Variants in MYO1C observed in about 807,000 individuals in gnomAD.
MYO1C encodes myosin IC.
Under a neutral mutation model 150.8 loss-of-function variants are expected in MYO1C, and 104 were observed. That is an observed-to-expected ratio of 0.69 (90% CI 0.59 to 0.81). The LOEUF (loss-of-function observed/expected upper bound fraction) is 0.81, where lower values mean the gene tolerates loss of function less well. Among genes scored for constraint, MYO1C ranks in the 30% least tolerant of loss-of-function variants. The pLI, the probability that MYO1C is intolerant of heterozygous loss-of-function variation, is 0.00. For synonymous variants in MYO1C, 663 were observed against 579.9 expected (o/e 1.14, Z -2.06); for missense variants, 1,504 against 1,435.0 (o/e 1.05, Z -0.78).
chr17:1,478,386 A>G lies in MYO1C; in HGVS notation c.1295+24T>C. ...GAGCAGGACAGGAGACCGGGAGGAG[A>G]GACGGGGGAAAGATGGCACCGACCT... is the stretch of plus-strand genomic sequence containing the variant. On this transcript the variant is annotated intron_variant, in intron 11 of 31. Transcript: ENST00000648651. This position sits in a 1 kb window ranked among gnomAD's most constrained non-coding sequence, Gnocchi z 6.3. 1.2e-6 allele frequency: 2 copies of G among 1,613,676 alleles called. No individual in the cohort carries two copies. Among genetic ancestry groups the G allele is most frequent in the Non-Finnish European group, 1.7e-6 (2 of 1,179,654 alleles).
At position 1,465,629 on chromosome 17, in the gene MYO1C, G is replaced by T; in HGVS notation, c.*97C>A. On this transcript the variant is annotated 3_prime_UTR_variant, in exon 32 of 32. Coordinates refer to ENST00000648651, the MANE Select transcript of MYO1C (RefSeq NM_001080779.2). ...TGCAGGTGGGCTTCGGGGTGTCCCT[G>T]GGTCCCTGTCTGGAAGTTCGAGTCT... 1 of 1,229,318 alleles carries T rather than the reference G, an allele frequency of 8.1e-7. No homozygotes were observed. Among genetic ancestry groups the T allele is most frequent in the South Asian group, 2.8e-5 (1 of 35,884 alleles). 76.2% of individuals were successfully genotyped at this position (1,229,318 alleles called of 1,614,324 possible). A position where few individuals can be genotyped will look rare whatever the true frequency, so the allele number is the denominator to read the frequency against.
intron 31 of MYO1C, among the ~76,000 whole-genome samples, chr17:1,466,445 C>T (rs2074172895): frequency 6.6e-6 from 1 of 152,282 alleles, no homozygotes; most frequent in South Asian, 2.1e-4. Context: ...ATTCTCCTGC[C>T]TCAGCCTCCC....
At chr17:1,492,233 A>G (rs745473482) in intron 1 of MYO1C, among the ~76,000 whole-genome samples, 180 bp downstream of exon 1, 21 of 152,196 alleles carry the variant, frequency 1.4e-4, no homozygotes, top group Non-Finnish European at 2.8e-4. Context: ...TCCTGCTGCT[A>G]GTGGCCCTTG....
Position 1,470,507 on chromosome 17 carries a change from T to C in MYO1C, c.2294A>G (p.Gln765Arg), listed in dbSNP as rs1231497836. Residue 765 changes from glutamine to arginine, a missense_variant, in exon 23 of 32, where the codon CAG becomes CGG. Coordinates refer to ENST00000648651, the MANE Select transcript of MYO1C (RefSeq NM_001080779.2). ...LRVKRSAICI[Q>R]SWWRGTLGRR... is the part of the protein sequence containing the mutation. ...GCCCAGTGTTCCACGCCACCACGAC[T>C]GGATGCAGATGGCTGTCGTGGAGAC... is the stretch of plus-strand genomic sequence containing the variant. The C allele has an allele frequency of 6.4e-7, 1 of 1,552,592 alleles. No individual in the cohort carries two copies. Among genetic ancestry groups the C allele is most frequent in the Non-Finnish European group, 8.7e-7 (1 of 1,147,798 alleles).
chr17:1,479,205 A>C lies in MYO1C; in HGVS notation c.1092+226T>G, dbSNP rs1044451015. Among the ~76,000 whole-genome samples the C allele has an allele frequency of 6.0e-4, 92 of 152,090 alleles. 1 individual carries two copies. Among genetic ancestry groups the C allele is most frequent in the African/African-American group, 2.1e-3 (86 of 41,488 alleles). The stretch of plus-strand genomic sequence containing the variant: ...ATGGGGTTTCACCATGTTGGCCAAG[A>C]TGGTCTCGAACTCCTGACCTCAGGT... On this transcript the variant is annotated intron_variant, in intron 9 of 31. Coordinates refer to ENST00000648651, the MANE Select transcript of MYO1C (RefSeq NM_001080779.2). The surrounding 1 kb of genome is among the most constrained non-coding windows in gnomAD (Gnocchi z 4.2).
chr17:1,469,520 G>T lies in MYO1C; in HGVS notation c.2610+11C>A. On this transcript the variant is annotated intron_variant, in intron 25 of 31. Coordinates refer to ENST00000648651, the MANE Select transcript of MYO1C (RefSeq NM_001080779.2). ...CACTTCCTCATCCTCACCCAGCCCC[G>T]CTCTCCGTACCTGCTGCTTCCACTC... The T allele has an allele frequency of 6.2e-7, 1 of 1,603,814 alleles. No individual in the cohort carries two copies. Among genetic ancestry groups the T allele is most frequent in the Non-Finnish European group, 8.5e-7 (1 of 1,173,862 alleles).
In MYO1C at chr17:1,483,794, A is replaced by G. The variant is rs2074590423; in HGVS notation, c.232-69T>C. The G allele has an allele frequency of 3.1e-6, 4 of 1,309,966 alleles. No homozygotes were observed. In the South Asian group the frequency reaches 3.8e-5, roughly 12 times the overall value. 81.1% of individuals were successfully genotyped at this position (1,309,966 alleles called of 1,614,324 possible). A position where few individuals can be genotyped will look rare whatever the true frequency, so the allele number is the denominator to read the frequency against. ...TGCGATGGCTCATGCCTGTAATCCC[A>G]GCACTTTGGGAGGCCAAGGTGGGCG... On this transcript the variant is annotated intron_variant, in intron 2 of 31. Transcript: ENST00000648651.
In MYO1C at chr17:1,468,513, G is replaced by A. The variant is rs1286522429; in HGVS notation, c.2611-17C>T. 32 of 1,604,492 alleles carry A rather than the reference G, an allele frequency of 2.0e-5. No individual in the cohort carries two copies. Among genetic ancestry groups the A allele is most frequent in the Non-Finnish European group, 2.6e-5 (30 of 1,171,842 alleles). ...CTGCTGCAGCTGAGGAGACAAGGGG[G>A]GTGAGGAGAGTGTCATGGTGGGGAG... On this transcript the variant is annotated splice_polypyrimidine_tract_variant and intron_variant, in intron 25 of 31. Coordinates refer to ENST00000648651, the MANE Select transcript of MYO1C (RefSeq NM_001080779.2).
intron 1 of MYO1C, chr17:1,491,757 C>G: frequency 1.6e-6 from 1 of 616,058 alleles, no homozygotes; most frequent in Non-Finnish European, 2.0e-6. Context: ...CGGCCCCGCC[C>G]CGCCCCGCCT....
chr17:1,474,587 G>A (rs370240797), intron 17 of MYO1C, 23 bp downstream of exon 17: 27 of 1,612,386 alleles, frequency 1.7e-5, no homozygotes, highest in Middle Eastern at 3.5e-4. Flanking sequence ...GCACCCCTGC[G>A]CCCGGTCCCG....
Position 1,474,807 on chromosome 17 carries a change from C to T in MYO1C, c.1716+5G>A. On this transcript the variant is annotated splice_donor_5th_base_variant and intron_variant, in intron 16 of 31. Transcript: ENST00000648651. ...CCCACCCCGGCCTCCCCACGTCCTC[C>T]TCACCTCCTTAAGGTTCCGGAAGAG... 2 of 1,614,050 alleles carry T rather than the reference C, an allele frequency of 1.2e-6. No homozygotes were observed. The highest frequency in any genetic ancestry group is 1.7e-6 in the Non-Finnish European group (2 of 1,179,944).
In MYO1C at chr17:1,478,047, C is replaced by A; in HGVS notation, c.1401+40G>T. 1 of 1,612,006 alleles carries A rather than the reference C, an allele frequency of 6.2e-7. No homozygotes were observed. Among genetic ancestry groups the A allele is most frequent in the South Asian group, 1.1e-5 (1 of 91,044 alleles). On this transcript the variant is annotated intron_variant, in intron 12 of 31. Transcript: ENST00000648651. The surrounding 1 kb of genome is among the most constrained non-coding windows in gnomAD (Gnocchi z 6.3). The stretch of plus-strand genomic sequence containing the variant: ...TCCCAGGGGCCCCGATACCCAGGCT[C>A]CCCGTGGCCCACGGAGAGTGCCCCC...
At chr17:1,469,445 T>C (rs558077951) in intron 25 of MYO1C, 86 bp downstream of exon 25, 4 of 1,259,650 alleles carry the variant, frequency 3.2e-6, no homozygotes, top group Admixed American at 2.0e-5. Flanking sequence ...CCGGGGTAAA[T>C]GCCCCTCCAG....
rs1345281109 is a variant in MYO1C at position 1,468,010 on chromosome 17, C to T, written c.2874G>A (p.Arg958=). The stretch of plus-strand genomic sequence containing the variant: ...GACCGGTCAGGTTGGCGTAATCAAT[C>T]CTCTGCTTGACTTTGGCGTCCTCCA... ...VIVEDAKVKQ[R]IDYANLTGIS... The change falls in exon 28 of 32, where the codon AGG becomes AGA. Residue 958 remains arginine (R), a synonymous_variant. Transcript: ENST00000648651. The T allele has an allele frequency of 6.2e-7, 1 of 1,612,846 alleles. No individual in the cohort carries two copies. The highest frequency in any genetic ancestry group is 8.5e-7 in the Non-Finnish European group (1 of 1,179,828).
intron 1 of MYO1C, 30 bp from the exon 2 acceptor site, chr17:1,484,333 A>G (rs1337324837): frequency 2.5e-6 from 4 of 1,605,142 alleles, no homozygotes; most frequent in Admixed American, 3.3e-5. Context: ...GAAGAGGGTC[A>G]GAGTCATCGG....
intron 3 of MYO1C, 50 bp downstream of exon 3, chr17:1,483,560 C>T: frequency 1.4e-6 from 2 of 1,399,888 alleles, no homozygotes; most frequent in Non-Finnish European, 2.0e-6. Context: ...GGCGGGGTCA[C>T]CTCAGATGGA....
intron 31 of MYO1C, 23 bp from the exon 32 acceptor site, chr17:1,465,775 C>T: frequency 7.6e-7 from 1 of 1,317,860 alleles, no homozygotes; most frequent in Non-Finnish European, 9.8e-7. Flanking sequence ...AGAGAGACGG[C>T]CAAGTGGTGA....
chr17:1,469,705 G>T, intron 24 of MYO1C, 91 bp from the exon 25 acceptor site: 2 of 1,042,788 alleles, frequency 1.9e-6, no homozygotes, highest in East Asian at 2.6e-5. Flanking sequence ...CTTTGGATAA[G>T]TAACACCCCC....
rs369597665 is a variant in MYO1C, at chr17:1,492,522, C to T, written c.-35G>A. On this transcript the variant is annotated 5_prime_UTR_variant, in exon 1 of 32. Coordinates refer to ENST00000648651, the MANE Select transcript of MYO1C (RefSeq NM_001080779.2). ...CGGAGAGCCAGCGGCCTGGGCACCG[C>T]GGCCTGTGAGCAAGAGCTGCCTGCC... is the stretch of plus-strand genomic sequence containing the variant. 6 of 1,569,022 alleles carry T rather than the reference C, an allele frequency of 3.8e-6. No individual in the cohort carries two copies. In the South Asian group the frequency reaches 5.8e-5, roughly 15 times the overall value.
Sources: allele counts gnomAD v4.1 joint callset (sites outside exome capture counted in the v4.1 genomes callset), GRCh38; gene constraint gnomAD v4.1.1; non-coding constraint Gnocchi (gnomAD v3.1); transcripts MANE v1.5; gene names NCBI Gene and HGNC (gene_info 2026-07-23, HGNC 2026-07-21).